Variants in MARCHF3 observed in about 807,000 individuals in gnomAD.
MARCHF3 encodes E3 ubiquitin-protein ligase MARCHF3.
Under a neutral mutation model 24.2 loss-of-function variants are expected in MARCHF3, and 13 were observed. That is an observed-to-expected ratio of 0.54 (90% CI 0.35 to 0.85). MARCHF3 has a LOEUF of 0.85. Ranked by LOEUF, MARCHF3 falls within the 40% of genes least tolerant of loss-of-function variation. MARCHF3 has a pLI of 0.01. For synonymous variants in MARCHF3, 144 were observed against 137.3 expected, an observed-to-expected ratio of 1.05 and a Z score of -0.34; for missense variants, 276 against 325.0, an observed-to-expected ratio of 0.85 and a Z score of 1.16.
intron 1 of MARCHF3, among the ~76,000 whole-genome samples, chr5:126,983,939 C>G (rs1258949839): frequency 6.6e-6 from 1 of 152,158 alleles, no homozygotes; most frequent in Non-Finnish European, 1.5e-5. Flanking sequence ...CTGGAAAATA[C>G]AGAAGCCACT....
intron 1 of MARCHF3, among the ~76,000 whole-genome samples, chr5:127,004,097 T>C (rs1752227205): frequency 6.6e-6 from 1 of 152,216 alleles, no homozygotes; most frequent in South Asian, 2.1e-4. Flanking sequence ...GCTCTTTCTT[T>C]GTTCCACAGG....
chr5:127,010,364 T>C (rs774996917), intron 1 of MARCHF3, among the ~76,000 whole-genome samples: 2 of 152,208 alleles, frequency 1.3e-5, no homozygotes, highest in Non-Finnish European at 2.9e-5. Context: ...TCCTGGATAT[T>C]TTCCAGCAAG....
At chr5:126,910,796 G>T (rs1412034471) in intron 3 of MARCHF3, among the ~76,000 whole-genome samples, 1 of 152,210 alleles carries the variant, frequency 6.6e-6, no homozygotes, top group Non-Finnish European at 1.5e-5. Flanking sequence ...GCAATGTTCA[G>T]GAAACAAGAG....
intron 1 of MARCHF3, among the ~76,000 whole-genome samples, chr5:126,968,445 T>TGGCA (rs1750890371): frequency 6.6e-6 from 1 of 152,260 alleles, no homozygotes; most frequent in Admixed American, 6.5e-5. Flanking sequence ...GGATGTGAAA[T>TGGCA]GGCATCTCAT....
At chr5:126,999,019 C>G (rs950347151) in intron 1 of MARCHF3, among the ~76,000 whole-genome samples, 3 of 152,196 alleles carry the variant, frequency 2.0e-5, no homozygotes, top group African/African-American at 7.2e-5. Context: ...CAACCCCTCT[C>G]AAGGAGAACC....
rs1431086602 is a variant in MARCHF3 at position 126,919,585 on chromosome 5, A to C, written c.-56-1358T>G. On this transcript the variant is annotated intron_variant, in intron 1 of 4. Coordinates refer to ENST00000308660, the MANE Select transcript of MARCHF3 (RefSeq NM_178450.5). ...TTTTCCTTGATCCCCATGGTTCTGG[A>C]AAACAGGATCTTCCCAACTTCCAGA... 2.0e-5 allele frequency among the ~76,000 whole-genome samples: 3 copies of C among 152,192 alleles called. No individual in the cohort carries two copies. The East Asian group carries it at 5.8e-4, about 29-fold the overall frequency.
At chr5:126,893,146 C>G (rs1485132321) in intron 3 of MARCHF3, among the ~76,000 whole-genome samples, 3 of 151,942 alleles carry the variant, frequency 2.0e-5, no homozygotes, top group Non-Finnish European at 2.9e-5. Context: ...TCCCCTTTAT[C>G]ATTTTTTATT....
At chr5:126,886,052 G>A (rs904275583) in intron 3 of MARCHF3, among the ~76,000 whole-genome samples, 1 of 151,186 alleles carries the variant, frequency 6.6e-6, no homozygotes, top group African/African-American at 2.4e-5. Context: ...TAATTGAGAA[G>A]GGTACATACC....
intron 3 of MARCHF3, among the ~76,000 whole-genome samples, chr5:126,904,360 C>G (rs1446100739): frequency 6.6e-6 from 1 of 150,640 alleles, no homozygotes; most frequent in African/African-American, 2.5e-5. Context: ...AATGGTATTT[C>G]TAGTTCTAGA....
At chr5:127,008,705 A>T (rs534662200) in intron 1 of MARCHF3, among the ~76,000 whole-genome samples, 1 of 152,078 alleles carries the variant, frequency 6.6e-6, no homozygotes, top group Non-Finnish European at 1.5e-5. Flanking sequence ...ATGGTTTTCC[A>T]TATTTCCACC....
At position 126,914,583 on chromosome 5, in the gene MARCHF3, G is replaced by A. The variant is rs774906084; in HGVS notation, c.393+347C>T. On this transcript the variant is annotated intron_variant, in intron 3 of 4. Coordinates refer to ENST00000308660, the MANE Select transcript of MARCHF3 (RefSeq NM_178450.5). ...CTGCTTCAAGTTGGGCAGATGGTGC[G>A]CAAGGAGAAAGATGTTTGATCTGTT... is the stretch of plus-strand genomic sequence containing the variant. 40 of 372,514 alleles carry A rather than the reference G, an allele frequency of 1.1e-4. 2 individuals are homozygous for A. The South Asian group carries it at 1.3e-3, about 12-fold the overall frequency. 23.1% of individuals were successfully genotyped at this position (372,514 alleles called of 1,614,324 possible). A position where few individuals can be genotyped will look rare whatever the true frequency, so the allele number is the denominator to read the frequency against.
intron 3 of MARCHF3, among the ~76,000 whole-genome samples, chr5:126,912,730 C>A (rs1186032293): frequency 6.6e-6 from 1 of 152,234 alleles, no homozygotes; most frequent in East Asian, 1.9e-4. Context: ...TGTCCTCCAG[C>A]TGAGAAACCA....
chr5:126,908,677 C>A (rs576565896), intron 3 of MARCHF3, among the ~76,000 whole-genome samples: 3 of 151,370 alleles, frequency 2.0e-5, no homozygotes, highest in Non-Finnish European at 4.4e-5. Context: ...TCCATCAGCT[C>A]CTTTAAGCAC....
At chr5:126,991,413 G>A (rs1362019074) in intron 1 of MARCHF3, among the ~76,000 whole-genome samples, 2 of 152,168 alleles carry the variant, frequency 1.3e-5, no homozygotes, top group Non-Finnish European at 2.9e-5. Context: ...TGGGAGTCTA[G>A]GGGAGGGATA....
intron 1 of MARCHF3, among the ~76,000 whole-genome samples, chr5:126,943,043 T>C (rs535541719): frequency 5.3e-5 from 8 of 152,332 alleles, no homozygotes; most frequent in Admixed American, 2.6e-4. Context: ...CCTGGCACTC[T>C]GGGAGGCCAA....
intron 1 of MARCHF3, among the ~76,000 whole-genome samples, chr5:127,023,777 T>TAAATAAAA (rs1356929646): frequency 3.6e-4 from 51 of 140,680 alleles, no homozygotes; most frequent in Non-Finnish European, 5.6e-4. Context: ...AATAAATAAA[T>TAAATAAAA]AAAAATAAAA....
intron 1 of MARCHF3, among the ~76,000 whole-genome samples, chr5:127,027,798 T>C (rs1004414311): frequency 6.6e-6 from 1 of 152,246 alleles, no homozygotes; most frequent in Non-Finnish European, 1.5e-5. Flanking sequence ...TCACAGACTA[T>C]AACTGTTCTT....
intron 1 of MARCHF3, among the ~76,000 whole-genome samples, chr5:127,008,210 C>T (rs767587639): frequency 9.2e-5 from 14 of 152,178 alleles, no homozygotes; most frequent in South Asian, 2.1e-4. Flanking sequence ...TCTAGATAAT[C>T]TCTAGTGACG....
intron 1 of MARCHF3, among the ~76,000 whole-genome samples, chr5:127,018,011 C>T (rs1752682512): frequency 2.0e-5 from 3 of 152,162 alleles, no homozygotes. Flanking sequence ...AGGGTCTCTA[C>T]CTTCATGGAG....
Sources: allele counts gnomAD v4.1 joint callset (sites outside exome capture counted in the v4.1 genomes callset), GRCh38; gene constraint gnomAD v4.1.1; transcripts MANE v1.5; gene names NCBI Gene and HGNC (gene_info 2026-07-23, HGNC 2026-07-21).